Variants in KBTBD2 observed in about 807,000 individuals in gnomAD.
The protein encoded by KBTBD2 is kelch repeat and BTB domain-containing protein 2.
A neutral mutation model predicts 57.1 loss-of-function variants in KBTBD2; 17 were observed. That is an observed-to-expected ratio of 0.30 (90% CI 0.20 to 0.45). The LOEUF is 0.45. Ranked by LOEUF, KBTBD2 falls within the 20% of genes least tolerant of loss-of-function variation. The probability of loss-of-function intolerance (pLI) is 1.00; values close to 1 mark genes in which losing one functional copy is unlikely to be tolerated. For missense variants in KBTBD2, 515 were observed against 750.6 expected, an observed-to-expected ratio of 0.69 and a Z score of 3.67; for synonymous variants, 267 against 262.7, an observed-to-expected ratio of 1.02 and a Z score of -0.16.
chr7:32,884,486 T>C (rs1784520131), intron 1 of KBTBD2, among the ~76,000 whole-genome samples: 1 of 151,110 alleles, frequency 6.6e-6, no homozygotes, highest in South Asian at 2.1e-4. Flanking sequence ...GTTCAGGAGA[T>C]TGAGACCATC....
intron 2 of KBTBD2, among the ~76,000 whole-genome samples, chr7:32,878,589 A>C (rs1272848963): frequency 2.6e-5 from 4 of 151,862 alleles, no homozygotes; most frequent in Non-Finnish European, 5.9e-5. Flanking sequence ...TCTCAAAAAA[A>C]AAAAACAAAA....
intron 2 of KBTBD2, among the ~76,000 whole-genome samples, chr7:32,878,871 CTAAAT>C (rs1210567579): frequency 6.6e-6 from 1 of 152,116 alleles, no homozygotes; most frequent in Non-Finnish European, 1.5e-5. Flanking sequence ...CAAAGAGTAA[CTAAAT>C]TAACTTCTGC....
chr7:32,875,810 T>C (rs773346819), intron 2 of KBTBD2, among the ~76,000 whole-genome samples: 3 of 152,116 alleles, frequency 2.0e-5, no homozygotes, highest in African/African-American at 7.2e-5. Context: ...ACATAGTATA[T>C]GAGTCCGTTT....
intron 2 of KBTBD2, among the ~76,000 whole-genome samples, chr7:32,875,434 T>A (rs1249213460): frequency 6.6e-6 from 1 of 151,952 alleles, no homozygotes; most frequent in Non-Finnish European, 1.5e-5. Context: ...CACCCAGCTA[T>A]TTTTTCTTTT....
intron 1 of KBTBD2, among the ~76,000 whole-genome samples, chr7:32,887,299 A>G (rs1012437277): frequency 6.6e-6 from 1 of 152,252 alleles, no homozygotes; most frequent in African/African-American, 2.4e-5. Flanking sequence ...GACAGGAGGA[A>G]TAAGTGTTAC....
At chr7:32,876,289 T>C (rs1284237391) in intron 2 of KBTBD2, among the ~76,000 whole-genome samples, 2 of 152,058 alleles carry the variant, frequency 1.3e-5, no homozygotes, top group Non-Finnish European at 2.9e-5. Flanking sequence ...AGGACAGAGA[T>C]GAAGAAGCCA....
At chr7:32,882,369 T>C (rs575654686) in intron 1 of KBTBD2, among the ~76,000 whole-genome samples, 1 of 152,218 alleles carries the variant, frequency 6.6e-6, no homozygotes, top group Non-Finnish European at 1.5e-5. Context: ...AGGCTCACTC[T>C]GGTCATTTCA....
chr7:32,869,334 G>A lies in KBTBD2; in HGVS notation c.*11C>T, dbSNP rs1164697273. ...CACATAACTCAGGCGTGCACTCCCT[G>A]AACTTCCCCACTATACAGGTGGTAG... is the stretch of plus-strand genomic sequence containing the variant. On this transcript the variant is annotated 3_prime_UTR_variant, in exon 4 of 4. Coordinates refer to ENST00000304056, the MANE Select transcript of KBTBD2 (RefSeq NM_015483.3). 1.9e-6 allele frequency: 3 copies of A among 1,577,444 alleles called. No homozygotes were observed. The South Asian group carries it at 3.5e-5, about 18-fold the overall frequency.
intron 1 of KBTBD2, among the ~76,000 whole-genome samples, chr7:32,884,703 A>G (rs1784525209): frequency 1.3e-5 from 2 of 151,950 alleles, no homozygotes; most frequent in Non-Finnish European, 2.9e-5. Context: ...AAAAATAAAA[A>G]TAAAAATAGT....
chr7:32,885,036 A>G (rs1342164824), intron 1 of KBTBD2, among the ~76,000 whole-genome samples: 2 of 148,636 alleles, frequency 1.3e-5, no homozygotes, highest in African/African-American at 5.0e-5. Flanking sequence ...ATACACACAC[A>G]CAAATTTTAA....
At chr7:32,880,194 G>A (rs550670429) in intron 1 of KBTBD2, among the ~76,000 whole-genome samples, 4 of 151,854 alleles carry the variant, frequency 2.6e-5, no homozygotes, top group African/African-American at 7.2e-5. Context: ...AGAAAATAAC[G>A]AACACATGAA....
chr7:32,874,743 C>G, intron 3 of KBTBD2: 1 of 337,950 alleles, frequency 3.0e-6, no homozygotes, highest in Non-Finnish European at 5.5e-6. Flanking sequence ...CGTGTAATCC[C>G]AGCACTTTGG....
chr7:32,875,475 T>G (rs908132740), intron 2 of KBTBD2, among the ~76,000 whole-genome samples: 2 of 152,110 alleles, frequency 1.3e-5, no homozygotes, highest in Admixed American at 1.3e-4. Context: ...CTCCCTATGT[T>G]GCCCAGGCTG....
chr7:32,870,053 A>G lies in KBTBD2; in HGVS notation c.1164T>C (p.Asp388=), dbSNP rs143270318. 5.7e-5 allele frequency: 92 copies of G among 1,614,070 alleles called. No individual in the cohort carries two copies. Among genetic ancestry groups the G allele is most frequent in the Non-Finnish European group, 7.0e-5 (83 of 1,180,042 alleles). Residue 388 remains aspartate (D), a synonymous_variant, in exon 4 of 4, where the codon GAT becomes GAC. Transcript: ENST00000304056. ...CEGYIYAIGG[D]SVGGELNRRT... is the part of the protein sequence containing the mutation. ...TCCGATTAAGTTCTCCACCTACGCT[A>G]TCTCCTCCAATTGCATAGATATAGC...
chr7:32,891,634 C>G lies in KBTBD2; in HGVS notation c.-437G>C, dbSNP rs530124466. On this transcript the variant is annotated 5_prime_UTR_variant, in exon 1 of 4. Coordinates refer to ENST00000304056, the MANE Select transcript of KBTBD2 (RefSeq NM_015483.3). ...GGCGGCGGGGGCGTGGCCCTCCCGC[C>G]GCGGCCTCGCCTGGGGTCTCGCCTC... is the stretch of plus-strand genomic sequence containing the variant. 1 of 150,226 alleles carries G rather than the reference C, an allele frequency of 6.7e-6. No homozygotes were observed. The highest frequency in any genetic ancestry group is 1.5e-5 in the Non-Finnish European group (1 of 67,446). 9.3% of individuals were successfully genotyped at this position (150,226 alleles called of 1,614,324 possible).
At chr7:32,882,491 T>C (rs1241560954) in intron 1 of KBTBD2, among the ~76,000 whole-genome samples, 6 of 152,326 alleles carry the variant, frequency 3.9e-5, no homozygotes, top group South Asian at 2.1e-4. Context: ...ATTAAAACAA[T>C]TGAAGTCTGC....
In KBTBD2 at chr7:32,869,287, T is replaced by C; in HGVS notation, c.*58A>G. ...TTTAGTTCTTTCATAGCCTCTTTTG[T>C]TTAGCAAAGAAAATGACAAAGCACA... On this transcript the variant is annotated 3_prime_UTR_variant, in exon 4 of 4. Transcript: ENST00000304056. The C allele has an allele frequency of 7.8e-7, 1 of 1,278,286 alleles. No homozygotes were observed. Among genetic ancestry groups the C allele is most frequent in the East Asian group, 2.3e-5 (1 of 42,944 alleles). The allele number at this position is 1,278,286 out of a possible 1,614,324, so 79.2% of individuals were successfully genotyped here. A position where few individuals can be genotyped will look rare whatever the true frequency, so the allele number is the denominator to read the frequency against.
chr7:32,873,868 T>C (rs908456336), intron 3 of KBTBD2, among the ~76,000 whole-genome samples: 5 of 152,246 alleles, frequency 3.3e-5, no homozygotes, highest in Non-Finnish European at 5.9e-5. Context: ...CTACTTAGTT[T>C]ACTGGGTAAT....
upstream of KBTBD2, chr7:32,891,894 CCGCCCCCGCCCCCGCCGCGCGCTCT>C (rs1259343094): frequency 8.3e-5 from 9 of 108,660 alleles, no homozygotes; most frequent in South Asian, 8.0e-4. Flanking sequence ...CCCGCCGCCC[CCGCCCCCGCCCCCGCCGCGCGCTCT>C]CGCCCCCGCC....
Sources: allele counts gnomAD v4.1 joint callset (sites outside exome capture counted in the v4.1 genomes callset), GRCh38; gene constraint gnomAD v4.1.1; transcripts MANE v1.5; gene names NCBI Gene and HGNC (gene_info 2026-07-23, HGNC 2026-07-21).